PRRC2B: variants seen among roughly 807,000 people sequenced by gnomAD.
The protein encoded by PRRC2B is protein PRRC2B.
Under a neutral mutation model 242.3 loss-of-function variants are expected in PRRC2B, and 68 were observed. The ratio of observed to expected loss-of-function variants is 0.28; its 90% CI spans 0.23 to 0.34. PRRC2B has a LOEUF of 0.34. Ranked by LOEUF, PRRC2B falls within the 10% of genes least tolerant of loss-of-function variation. PRRC2B has a pLI of 1.00. For synonymous variants in PRRC2B, 1,228 were observed against 1,173.6 expected, an observed-to-expected ratio of 1.05 and a Z score of -0.95; for missense variants, 2,835 against 2,954.8, an observed-to-expected ratio of 0.96 and a Z score of 0.94.
rs1483917621 is a variant in PRRC2B, at chr9:131,482,587, T to C, written c.5175+25T>C. 6.4e-7 allele frequency: 1 copy of C among 1,570,794 alleles called. No homozygotes were observed. Among genetic ancestry groups the C allele is most frequent in the Non-Finnish European group, 8.7e-7 (1 of 1,154,268 alleles). On this transcript the variant is annotated intron_variant, in intron 21 of 31. Coordinates refer to ENST00000683519, the MANE Select transcript of PRRC2B (RefSeq NM_013318.4). The surrounding 1 kb of genome is among the most constrained non-coding windows in gnomAD (Gnocchi z 5.2). ...GGTAACCTGGACGTTCCAGTCACAG[T>C]GGCCAGGGCCTGGGTGGAAGGGGCC...
At chr9:131,435,971 T>C (rs2131333990) in intron 3 of PRRC2B, among the ~76,000 whole-genome samples, 1 of 152,340 alleles carries the variant, frequency 6.6e-6, no homozygotes, top group Non-Finnish European at 1.5e-5. Flanking sequence ...TGTTACCTAG[T>C]TTTATTTATA....
At chr9:131,410,033 AT>A (rs1192206355) in intron 1 of PRRC2B, among the ~76,000 whole-genome samples, 1 of 152,208 alleles carries the variant, frequency 6.6e-6, no homozygotes, top group African/African-American at 2.4e-5. Context: ...TCCTTGTTAA[AT>A]TTTGACGCCA....
intron 1 of PRRC2B, among the ~76,000 whole-genome samples, chr9:131,395,327 A>T (rs1837019150): frequency 1.3e-5 from 2 of 152,104 alleles, no homozygotes; most frequent in African/African-American, 4.8e-5. Context: ...AGTGTCATCC[A>T]GTTTGGTTTT....
rs1943701635 is a variant in PRRC2B, at chr9:131,476,421, A to C, written c.4292A>C (p.Gln1431Pro). The C allele has an allele frequency of 6.2e-7, 1 of 1,611,320 alleles. No individual in the cohort carries two copies. The highest frequency in any genetic ancestry group is 8.5e-7 in the Non-Finnish European group (1 of 1,178,844). Residue 1431 changes from glutamine to proline, a missense_variant, in exon 16 of 32, where the codon CAG becomes CCG. By Grantham distance (76) the Gln-to-Pro change is moderately conservative. Around this residue, in one of 7 missense-constraint regions of PRRC2B, gnomAD observed 1,536 missense variants for 1,483.1 expected, o/e 1.04. Transcript: ENST00000683519. The stretch of plus-strand genomic sequence containing the variant: ...AGTCAGAGACCCGTGGTTGACAGAC[A>C]GAGCCGAAAGCTGGAGCCGGGAGGG... ...FSSQRPVVDR[Q>P]SRKLEPGGFG... is the part of the protein sequence containing the mutation.
Position 131,475,726 on chromosome 9 carries a change from G to T in PRRC2B, c.3597G>T (p.Arg1199=), listed in dbSNP as rs557242139. Residue 1199 remains arginine (R), a synonymous_variant, in exon 16 of 32, where the codon CGG becomes CGT. Transcript: ENST00000683519. Reference sequence around the variant, plus strand: ...TAGATGCCAAGAGCCGAGGCCCTCGGGCCTTTGGGCGAGCCCTCCCTCCCC... The same window carrying T: ...TAGATGCCAAGAGCCGAGGCCCTCGTGCCTTTGGGCGAGCCCTCCCTCCCC... The part of the protein sequence containing the change: ...SGLDAKSRGP[R]AFGRALPPRL... The T allele has an allele frequency of 2.0e-5, 33 of 1,613,298 alleles. No homozygotes were observed. The East Asian group carries it at 7.4e-4, about 36-fold the overall frequency.
At chr9:131,399,934 G>A (rs1307676853) in intron 1 of PRRC2B, among the ~76,000 whole-genome samples, 1 of 152,164 alleles carries the variant, frequency 6.6e-6, no homozygotes, top group Non-Finnish European at 1.5e-5. Context: ...GGCATGTTAA[G>A]TCTTGGTCCA....
chr9:131,402,882 C>T (rs1053075076), intron 1 of PRRC2B, among the ~76,000 whole-genome samples: 4 of 152,270 alleles, frequency 2.6e-5, no homozygotes, highest in Non-Finnish European at 2.9e-5. Context: ...ATTATGCAAG[C>T]ATTCTTGTAT....
intron 9 of PRRC2B, among the ~76,000 whole-genome samples, chr9:131,451,190 GA>G (rs1247055262): frequency 3.4e-4 from 52 of 152,308 alleles, no homozygotes; most frequent in African/African-American, 1.2e-3. Flanking sequence ...ACAAGATCAG[GA>G]GATTGAGACC....
At position 131,474,893 on chromosome 9, in the gene PRRC2B, C is replaced by T; in HGVS notation, c.2764C>T (p.Pro922Ser). Residue 922 changes from proline (P) to serine (S), a missense_variant, in exon 16 of 32, where the codon CCC becomes TCC. Transcript: ENST00000683519. ...CTCGGAGCCTGAATGGACTCCCGAG[C>T]CCCGGAGCTCCAGCAGCCAGCACCC... Reference protein sequence around the residue: ...PSSEPEWTPEPRSSSSQHPEQ... With the variant: ...PSSEPEWTPESRSSSSQHPEQ... The T allele has an allele frequency of 6.3e-7, 1 of 1,594,888 alleles. No individual in the cohort carries two copies. Among genetic ancestry groups the T allele is most frequent in the Non-Finnish European group, 8.5e-7 (1 of 1,171,480 alleles).
At chr9:131,427,139 G>C (rs1339822916) in intron 1 of PRRC2B, among the ~76,000 whole-genome samples, 1 of 152,178 alleles carries the variant, frequency 6.6e-6, no homozygotes, top group Non-Finnish European at 1.5e-5. Context: ...AATTGCATGC[G>C]GATCTGTCCC....
intron 1 of PRRC2B, among the ~76,000 whole-genome samples, chr9:131,420,501 T>TCTTTCTTTCTTTCTTTCTTTCTTTC (rs1837804218): frequency 5.2e-5 from 1 of 19,054 alleles, no homozygotes; most frequent in Non-Finnish European, 1.2e-4. Flanking sequence ...TTCTTTTTTT[T>TCTTTCTTTCTTTCTTTCTTTCTTTC]TTTTTTTTTG....
intron 1 of PRRC2B, among the ~76,000 whole-genome samples, chr9:131,410,316 G>C (rs758529579): frequency 2.6e-5 from 4 of 152,174 alleles, no homozygotes; most frequent in Non-Finnish European, 4.4e-5. Flanking sequence ...TGGGGGTGTG[G>C]GATGCTGTAT....
chr9:131,447,645 ATCTTT>A lies in PRRC2B; in HGVS notation c.978-10_978-6del. 1 of 1,574,422 alleles carries A rather than the reference ATCTTT, an allele frequency of 6.4e-7. No individual in the cohort carries two copies. Among genetic ancestry groups the A allele is most frequent in the Non-Finnish European group, 8.6e-7 (1 of 1,156,484 alleles). Reference sequence around the variant, plus strand: ...TCTGTATACTGGACATGATTCCATCATCTTTTCTTTTATCAGAAAAGAAAACAGGC... The same window carrying A: ...TCTGTATACTGGACATGATTCCATCATCTTTTATCAGAAAAGAAAACAGGC... On this transcript the variant is annotated splice_polypyrimidine_tract_variant and intron_variant, in intron 8 of 31. Transcript: ENST00000683519.
At chr9:131,438,931 GTTA>G in intron 4 of PRRC2B, 55 bp from the exon 5 acceptor site, 1 of 1,369,220 alleles carries the variant, frequency 7.3e-7, no homozygotes, top group East Asian at 2.4e-5. Context: ...GTAATAGGCT[GTTA>G]TTGTACAGTG....
intron 1 of PRRC2B, among the ~76,000 whole-genome samples, chr9:131,400,392 C>A (rs1256254438): frequency 6.6e-6 from 1 of 151,802 alleles, no homozygotes; most frequent in African/African-American, 2.4e-5. Flanking sequence ...GATCTTGGCT[C>A]ACTGCAACCT....
intron 9 of PRRC2B, among the ~76,000 whole-genome samples, chr9:131,451,453 T>C (rs968398143): frequency 1.3e-5 from 2 of 152,326 alleles, no homozygotes; most frequent in African/African-American, 4.8e-5. Flanking sequence ...CCAGACACTT[T>C]GTTGAATATA....
At chr9:131,488,211 C>A in intron 28 of PRRC2B, 115 bp downstream of exon 28, 1 of 1,381,730 alleles carries the variant, frequency 7.2e-7, no homozygotes, top group Non-Finnish European at 9.6e-7. Context: ...TGGTTGGTAG[C>A]CACCGTGCCC....
Position 131,487,834 on chromosome 9 carries a change from A to G in PRRC2B, c.5985-22A>G, listed in dbSNP as rs1340492716. On this transcript the variant is annotated intron_variant, in intron 27 of 31. Coordinates refer to ENST00000683519, the MANE Select transcript of PRRC2B (RefSeq NM_013318.4). This position sits in a 1 kb window ranked among gnomAD's most constrained non-coding sequence, Gnocchi z 5.3. ...AGCTGGACTCATCCACCTGATCCCG[A>G]CCATCTGTCTGGCTTTTGCAGATCT... The G allele has an allele frequency of 1.3e-6, 2 of 1,596,480 alleles. No homozygotes were observed. Among genetic ancestry groups the G allele is most frequent in the Admixed American group, 1.7e-5 (1 of 59,614 alleles).
intron 2 of PRRC2B, among the ~76,000 whole-genome samples, chr9:131,430,613 GAC>G (rs1838133315): frequency 2.2e-5 from 3 of 135,258 alleles, no homozygotes; most frequent in African/African-American, 8.2e-5. Flanking sequence ...ATGTTTTGGA[GAC>G]AGAGTCTCAC....
Sources: allele counts gnomAD v4.1 joint callset (sites outside exome capture counted in the v4.1 genomes callset), GRCh38; gene constraint gnomAD v4.1.1; regional missense constraint gnomAD v4.1.1; non-coding constraint Gnocchi (gnomAD v3.1); transcripts MANE v1.5; gene names NCBI Gene and HGNC (gene_info 2026-07-23, HGNC 2026-07-21).